The following C9 variants were observed in gnomAD, a reference collection of about 807,000 sequenced individuals.
C9 encodes the protein complement component C9.
Under a neutral mutation model 65.4 loss-of-function variants are expected in C9, and 63 were observed. The ratio of observed to expected loss-of-function variants is 0.96; its 90% CI spans 0.79 to 1.19. The LOEUF is 1.19. Ranked by LOEUF, C9 falls within the 50% of genes most tolerant of loss-of-function variation. The probability of loss-of-function intolerance (pLI) is 0.00; values close to 1 mark genes in which losing one functional copy is unlikely to be tolerated. For synonymous variants in C9, 229 were observed against 227.9 expected, an observed-to-expected ratio of 1.00 and a Z score of -0.04; for missense variants, 744 against 670.1, an observed-to-expected ratio of 1.11 and a Z score of -1.22.
At chr5:39,336,656 TAGGAAGAGACAGTGTTC>T (rs1249280285) in intron 4 of C9, among the ~76,000 whole-genome samples, 1 of 152,156 alleles carries the variant, frequency 6.6e-6, no homozygotes, top group Non-Finnish European at 1.5e-5. Flanking sequence ...TTCATGGTGC[TAGGAAGAGACAGTGTTC>T]AGTATCAATT....
rs138310529 is a variant in C9 at position 39,303,905 on chromosome 5, C to T, written c.1416+2712G>A. ...TGTTGAGACGGTGCTCTGTCCATGG[C>T]TGATTCCTGCTTTGCACCCTGAGCT... On this transcript the variant is annotated intron_variant, in intron 9 of 10. Coordinates refer to ENST00000263408, the MANE Select transcript of C9 (RefSeq NM_001737.5). Among the ~76,000 whole-genome samples the T allele has an allele frequency of 4.9e-3, 745 of 152,222 alleles. 5 individuals are homozygous for T. The highest frequency in any genetic ancestry group is 0.027 in the Middle Eastern group (8 of 294).
chr5:39,315,087 A>G (rs911060187), intron 6 of C9, among the ~76,000 whole-genome samples: 1 of 152,174 alleles, frequency 6.6e-6, no homozygotes, highest in Non-Finnish European at 1.5e-5. Context: ...ACAGACCCAT[A>G]CAAAACAATT....
At chr5:39,286,120 A>G (rs940235822) in intron 10 of C9, among the ~76,000 whole-genome samples, 7 of 152,112 alleles carry the variant, frequency 4.6e-5, no homozygotes, top group Admixed American at 3.9e-4. Context: ...GATATTCATT[A>G]TCTATGAAAC....
chr5:39,341,743 A>T, intron 2 of C9, 43 bp from the exon 3 acceptor site: 3 of 1,596,824 alleles, frequency 1.9e-6, no homozygotes, highest in Non-Finnish European at 1.7e-6. Context: ...CTAATGCCAA[A>T]AAAAGGGTAT....
At chr5:39,333,662 G>T (rs1753890227) in intron 4 of C9, among the ~76,000 whole-genome samples, 2 of 93,770 alleles carry the variant, frequency 2.1e-5, no homozygotes, top group Non-Finnish European at 5.1e-5. Context: ...CTCATGCCGA[G>T]CGGCAGCTGG....
chr5:39,340,530 A>C (rs1296557415), intron 4 of C9, among the ~76,000 whole-genome samples: 1 of 152,156 alleles, frequency 6.6e-6, no homozygotes, highest in Non-Finnish European at 1.5e-5. Context: ...CTGAGTTCTA[A>C]ACTCCAAGAC....
At chr5:39,363,244 A>G (rs1754553201) in intron 1 of C9, among the ~76,000 whole-genome samples, 1 of 152,196 alleles carries the variant, frequency 6.6e-6, no homozygotes, top group African/African-American at 2.4e-5. Context: ...GATAATATGG[A>G]AAGAGGAGGG....
chr5:39,294,168 C>G (rs1753145284), intron 9 of C9, among the ~76,000 whole-genome samples: 1 of 151,342 alleles, frequency 6.6e-6, no homozygotes, highest in African/African-American at 2.4e-5. Flanking sequence ...CAAGAACAAC[C>G]CAAACCCCAA....
rs899187184 is a variant in C9, at chr5:39,315,777, T to C, written c.868A>G (p.Lys290Glu). 8.1e-6 allele frequency: 13 copies of C among 1,595,946 alleles called. No individual in the cohort carries two copies. The highest frequency in any genetic ancestry group is 1.3e-5 in the African/African-American group (1 of 74,680). The change falls in exon 6 of 11, where the codon AAG (lysine) becomes GAG (glutamate). Residue 290 changes from lysine (K) to glutamate (E), a missense_variant and splice_region_variant. Physicochemically the swap from Lys to Glu is moderately conservative, Grantham distance 56. Coordinates refer to ENST00000263408, the MANE Select transcript of C9 (RefSeq NM_001737.5). ...CTATATTAACTGTTTTGTCTTACCT[T>C]CTTTGAAGAATATGACAAAAATAGT... The part of the protein sequence containing the change: ...YQLFLSYSSK[K>E]EKMFLHVKGE...
chr5:39,342,317 T>G, intron 1 of C9, 121 bp from the exon 2 acceptor site: 1 of 641,612 alleles, frequency 1.6e-6, no homozygotes, highest in Non-Finnish European at 2.9e-6. Context: ...CTTATCTTTT[T>G]ACTATATCTC....
Position 39,288,755 on chromosome 5 carries a change from G to C in C9, c.1613C>G (p.Ala538Gly). 6.2e-7 allele frequency: 1 copy of C among 1,611,032 alleles called. No individual in the cohort carries two copies. The highest frequency in any genetic ancestry group is 8.5e-7 in the Non-Finnish European group (1 of 1,177,734). Residue 538 changes from alanine to glycine, a missense_variant, in exon 10 of 11, where the codon GCC becomes GGC. Transcript: ENST00000263408. ...CACPFKFEGI[A>G]CEISKQKISE... ...AATTTTTTGTTTACTGATTTCACAG[G>C]CAATTCCCTCAAATTTGAATGGGCA... is the stretch of plus-strand genomic sequence containing the variant.
intron 1 of C9, among the ~76,000 whole-genome samples, chr5:39,356,204 T>C (rs916333496): frequency 6.6e-6 from 1 of 152,210 alleles, no homozygotes; most frequent in African/African-American, 2.4e-5. Context: ...TTTTTATAGA[T>C]GGGAAACTAA....
intron 5 of C9, among the ~76,000 whole-genome samples, chr5:39,320,935 C>T (rs539421878): frequency 7.2e-5 from 11 of 152,130 alleles, no homozygotes; most frequent in African/African-American, 2.4e-4. Context: ...GCAATTCTGA[C>T]CTTCATAAAT....
In C9 at chr5:39,284,302, C is replaced by T. The variant is rs1355460880; in HGVS notation, c.*897G>A. On this transcript the variant is annotated 3_prime_UTR_variant, in exon 11 of 11. Coordinates refer to ENST00000263408, the MANE Select transcript of C9 (RefSeq NM_001737.5). ...TCCTTTTTTTAAAGAGTTCTCAGAC[C>T]TTTCAAAAGGTCTCAGACCCTAAGC... 6.6e-6 allele frequency: 1 copy of T among 151,540 alleles called. No individual in the cohort carries two copies. Among genetic ancestry groups the T allele is most frequent in the Admixed American group, 6.6e-5 (1 of 15,204 alleles). 9.4% of individuals were successfully genotyped at this position (151,540 alleles called of 1,614,324 possible).
At chr5:39,306,281 A>G (rs1175537834) in intron 9 of C9, among the ~76,000 whole-genome samples, 4 of 152,092 alleles carry the variant, frequency 2.6e-5, no homozygotes, top group African/African-American at 9.7e-5. Flanking sequence ...AACTAATCAT[A>G]TGTGAGTACC....
At chr5:39,351,317 A>G (rs947058307) in intron 1 of C9, among the ~76,000 whole-genome samples, 1 of 152,168 alleles carries the variant, frequency 6.6e-6, no homozygotes, top group Non-Finnish European at 1.5e-5. Flanking sequence ...AATGCCCTGG[A>G]GGCATTTTCC....
chr5:39,336,329 T>A (rs116110500), intron 4 of C9, among the ~76,000 whole-genome samples: 3,366 of 152,224 alleles, frequency 0.022, 120 homozygotes, highest in African/African-American at 0.077. Context: ...ACATTTCTAT[T>A]CCATTTCCCT....
chr5:39,300,334 G>A (rs1436129332), intron 9 of C9, among the ~76,000 whole-genome samples: 1 of 151,978 alleles, frequency 6.6e-6, no homozygotes, highest in Non-Finnish European at 1.5e-5. Flanking sequence ...ATCCTTTGAA[G>A]CCAGGAGGTG....
intron 1 of C9, among the ~76,000 whole-genome samples, chr5:39,345,736 C>G (rs548285408): frequency 2.0e-5 from 3 of 152,188 alleles, no homozygotes; most frequent in Non-Finnish European, 2.9e-5. Context: ...AGCACCACAT[C>G]GCACTTATCT....
Sources: gnomAD v4.1 joint callset for allele counts (sites outside exome capture counted in the v4.1 genomes callset) on GRCh38, gnomAD v4.1.1 for gene constraint, MANE v1.5 for transcripts, NCBI Gene and HGNC (gene_info 2026-07-23, HGNC 2026-07-21) for gene names.